The following SYT2 variants were observed in gnomAD, a reference collection of about 807,000 sequenced individuals.
SYT2 encodes synaptotagmin 2.
In SYT2, 15 loss-of-function variants were observed where a neutral mutation model predicts 39.9. The observed-to-expected ratio is 0.38, with a 90% CI of 0.25 to 0.58. The LOEUF is 0.58. SYT2 is among the 20% of genes least tolerant of loss of function. The probability of loss-of-function intolerance (pLI) is 0.70; values close to 1 mark genes in which losing one functional copy is unlikely to be tolerated. For missense variants in SYT2, 389 were observed against 530.3 expected (o/e 0.73, Z 2.62); for synonymous variants, 181 against 204.5 (o/e 0.89, Z 0.98).
At chr1:202,637,528 T>A (rs577057460) in intron 1 of SYT2, among the ~76,000 whole-genome samples, 1 of 152,292 alleles carries the variant, frequency 6.6e-6, no homozygotes, top group African/African-American at 2.4e-5. Context: ...CTGCAATCTG[T>A]CTCTGAGCAG....
intron 1 of SYT2, among the ~76,000 whole-genome samples, chr1:202,688,588 G>C (rs1344008593): frequency 2.0e-5 from 3 of 152,232 alleles, no homozygotes. Flanking sequence ...TTTCCTCTCT[G>C]TTAAGCAAGC....
intron 1 of SYT2, among the ~76,000 whole-genome samples, chr1:202,707,584 T>A (rs1654285061): frequency 6.6e-6 from 1 of 152,162 alleles, no homozygotes; most frequent in Non-Finnish European, 1.5e-5. Context: ...GATGCTTCTG[T>A]CCAGGGAAGG....
At chr1:202,648,325 CA>C (rs1183102210) in intron 1 of SYT2, among the ~76,000 whole-genome samples, 1 of 152,096 alleles carries the variant, frequency 6.6e-6, no homozygotes, top group Non-Finnish European at 1.5e-5. Context: ...GGACTACAGG[CA>C]TGCACCACCA....
chr1:202,606,877 C>T (rs1380320986), intron 1 of SYT2, among the ~76,000 whole-genome samples: 4 of 151,982 alleles, frequency 2.6e-5, no homozygotes, highest in Non-Finnish European at 5.9e-5. Flanking sequence ...ATGTTGAGAC[C>T]ATACTATGTA....
At chr1:202,670,603 A>T (rs1486849630) in intron 1 of SYT2, among the ~76,000 whole-genome samples, 1 of 152,200 alleles carries the variant, frequency 6.6e-6, no homozygotes, top group Non-Finnish European at 1.5e-5. Context: ...ACCAGGATTA[A>T]TTACTCACTC....
chr1:202,666,505 G>A (rs553932658), intron 1 of SYT2, among the ~76,000 whole-genome samples: 3 of 152,098 alleles, frequency 2.0e-5, no homozygotes, highest in African/African-American at 7.3e-5. Context: ...TGGGGATGCT[G>A]GGGTAGGGCA....
intron 8 of SYT2, among the ~76,000 whole-genome samples, chr1:202,598,013 C>A (rs1690362279): frequency 6.6e-6 from 1 of 152,228 alleles, no homozygotes. Flanking sequence ...GACATTGAAG[C>A]TGTCGTCTCA....
intron 1 of SYT2, among the ~76,000 whole-genome samples, chr1:202,703,810 A>G (rs959259340): frequency 6.6e-6 from 1 of 151,738 alleles, no homozygotes; most frequent in Admixed American, 6.6e-5. Flanking sequence ...ATTCACTTCT[A>G]TTTTCCCATA....
At chr1:202,683,225 T>C (rs1209020750) in intron 1 of SYT2, among the ~76,000 whole-genome samples, 1 of 152,144 alleles carries the variant, frequency 6.6e-6, no homozygotes, top group Non-Finnish European at 1.5e-5. Context: ...GCTAGAGAAA[T>C]GTGCTTCCCA....
chr1:202,612,750 T>C (rs917680447), intron 1 of SYT2, among the ~76,000 whole-genome samples: 3 of 152,244 alleles, frequency 2.0e-5, no homozygotes, highest in African/African-American at 7.2e-5. Context: ...TGTTAATTTC[T>C]ACAAAATAGC....
chr1:202,680,515 T>C (rs1653497430), intron 1 of SYT2, among the ~76,000 whole-genome samples: 2 of 152,122 alleles, frequency 1.3e-5, no homozygotes, highest in South Asian at 4.1e-4. Flanking sequence ...CCCTCCAGCC[T>C]GGGAAACAAA....
At chr1:202,617,886 C>T (rs1445642539) in intron 1 of SYT2, among the ~76,000 whole-genome samples, 1 of 152,206 alleles carries the variant, frequency 6.6e-6, no homozygotes, top group East Asian at 1.9e-4. Flanking sequence ...TGTTGGGACG[C>T]TCACTTGTTT....
At chr1:202,617,030 A>T (rs913284328) in intron 1 of SYT2, among the ~76,000 whole-genome samples, 1 of 152,248 alleles carries the variant, frequency 6.6e-6, no homozygotes, top group African/African-American at 2.4e-5. Context: ...TCCCAGGGAG[A>T]CAGGCCGAAA....
intron 1 of SYT2, among the ~76,000 whole-genome samples, chr1:202,609,786 G>C (rs983879000): frequency 6.6e-6 from 1 of 151,956 alleles, no homozygotes; most frequent in African/African-American, 2.4e-5. Context: ...CTGGATATTA[G>C]CCCTTTGTCA....
At chr1:202,642,578 C>A (rs529974963) in intron 1 of SYT2, among the ~76,000 whole-genome samples, 1 of 152,246 alleles carries the variant, frequency 6.6e-6, no homozygotes, top group South Asian at 2.1e-4. Flanking sequence ...AGCCGTGGCG[C>A]GTGTCAAAGT....
intron 1 of SYT2, among the ~76,000 whole-genome samples, chr1:202,709,932 G>A (rs1462558972): frequency 1.3e-5 from 2 of 152,296 alleles, no homozygotes; most frequent in East Asian, 1.9e-4. Context: ...CGGGGGCGCA[G>A]AGCCGGCCGG....
At chr1:202,683,476 G>A (rs773390541) in intron 1 of SYT2, among the ~76,000 whole-genome samples, 3 of 152,252 alleles carry the variant, frequency 2.0e-5, no homozygotes, top group African/African-American at 4.8e-5. Context: ...GGTGGCTCTC[G>A]CCTGTAATCC....
At chr1:202,705,399 A>G (rs143219506) in intron 1 of SYT2, among the ~76,000 whole-genome samples, 1 of 152,366 alleles carries the variant, frequency 6.6e-6, no homozygotes, top group Non-Finnish European at 1.5e-5. Flanking sequence ...CGGGACCCAC[A>G]CTGACTTTGC....
At chr1:202,606,471 A>T (rs959575909) in intron 1 of SYT2, among the ~76,000 whole-genome samples, 2 of 152,126 alleles carry the variant, frequency 1.3e-5, no homozygotes, top group East Asian at 3.9e-4. Flanking sequence ...GCCCAGCTCC[A>T]TGACACTTGA....
Sources: gnomAD v4.1 joint callset for allele counts (sites outside exome capture counted in the v4.1 genomes callset) on GRCh38, gnomAD v4.1.1 for gene constraint, MANE v1.5 for transcripts, NCBI Gene and HGNC (gene_info 2026-07-23, HGNC 2026-07-21) for gene names.